SLC8A1: variants seen among roughly 807,000 people sequenced by gnomAD.
SLC8A1 encodes solute carrier family 8 member A1.
Under a neutral mutation model 68.3 loss-of-function variants are expected in SLC8A1, and 18 were observed. The observed-to-expected ratio is 0.26, with a 90% CI of 0.18 to 0.39. The LOEUF is 0.39. SLC8A1 is among the 10% of genes least tolerant of loss of function. The pLI is 1.00. For missense variants in SLC8A1, 985 were observed against 1,156.7 expected, an observed-to-expected ratio of 0.85 and a Z score of 2.15; for synonymous variants, 475 against 415.5, an observed-to-expected ratio of 1.14 and a Z score of -1.74.
intron 2 of SLC8A1, among the ~76,000 whole-genome samples, chr2:40,393,603 A>C (rs1478101762): frequency 1.3e-5 from 2 of 152,104 alleles, no homozygotes; most frequent in Non-Finnish European, 2.9e-5. Context: ...ATTGTTTCCA[A>C]TTCCATATAA....
intron 2 of SLC8A1, among the ~76,000 whole-genome samples, chr2:40,242,740 C>T (rs192033431): frequency 6.6e-6 from 1 of 152,218 alleles, no homozygotes; most frequent in East Asian, 1.9e-4. Flanking sequence ...CAAGAAACAA[C>T]AAGAAACCAA....
At chr2:40,307,144 T>TACACACAC (rs753955915) in intron 2 of SLC8A1, among the ~76,000 whole-genome samples, 84 of 101,202 alleles carry the variant, frequency 8.3e-4, no homozygotes, top group Middle Eastern at 0.01. Context: ...GAAAATGTGA[T>TACACACAC]ATACACACAC....
chr2:40,264,430 G>A (rs995503850), intron 2 of SLC8A1, among the ~76,000 whole-genome samples: 10 of 152,144 alleles, frequency 6.6e-5, no homozygotes, highest in African/African-American at 2.4e-4. Context: ...ATTCACAATA[G>A]CAAAGACTTG....
chr2:40,230,074 T>C (rs1462898777), intron 2 of SLC8A1, among the ~76,000 whole-genome samples: 2 of 152,164 alleles, frequency 1.3e-5, no homozygotes, highest in Non-Finnish European at 2.9e-5. Flanking sequence ...GCTGGCATCA[T>C]CAGAGCTAGG....
intron 2 of SLC8A1, among the ~76,000 whole-genome samples, chr2:40,365,253 C>A (rs1675774282): frequency 6.6e-6 from 1 of 151,976 alleles, no homozygotes; most frequent in Non-Finnish European, 1.5e-5. Flanking sequence ...AGAATTCAGA[C>A]TTTCTACCAT....
At chr2:40,309,750 C>T (rs150079910) in intron 2 of SLC8A1, among the ~76,000 whole-genome samples, 1,843 of 152,148 alleles carry the variant, frequency 0.012, 30 homozygotes, top group African/African-American at 0.042. Context: ...ATGATCCGCC[C>T]GCCTTGGCCT....
chr2:40,472,748 T>G (rs1006841953), intron 1 of SLC8A1, among the ~76,000 whole-genome samples: 5 of 152,190 alleles, frequency 3.3e-5, no homozygotes, highest in African/African-American at 1.2e-4. Context: ...TAAAACTTTC[T>G]GTCCTCATGG....
intron 2 of SLC8A1, among the ~76,000 whole-genome samples, chr2:40,410,221 A>T (rs1456344722): frequency 1.3e-5 from 2 of 152,132 alleles, no homozygotes; most frequent in Non-Finnish European, 2.9e-5. Flanking sequence ...CAATGAAAGG[A>T]TGTAATGAAA....
chr2:40,383,172 G>C (rs188622040), intron 2 of SLC8A1, among the ~76,000 whole-genome samples: 2 of 152,006 alleles, frequency 1.3e-5, no homozygotes, highest in Non-Finnish European at 2.9e-5. Flanking sequence ...TTACAGACAC[G>C]TTGTAGATAA....
Position 40,316,745 on chromosome 2 carries a change from G to T in SLC8A1, c.1808+111728C>A, listed in dbSNP as rs969998092. On this transcript the variant is annotated intron_variant, in intron 2 of 7. Transcript: ENST00000406785. ...TGATTTATATCAGGGCCCTAACGTG[G>T]CTGTCCAAAATACCTCCCTCCCCCA... is the stretch of plus-strand genomic sequence containing the variant. Among the ~76,000 whole-genome samples the T allele has an allele frequency of 2.6e-5, 4 of 151,924 alleles. No homozygotes were observed. In the South Asian group the frequency reaches 8.3e-4, roughly 32 times the overall value.
intron 1 of SLC8A1, among the ~76,000 whole-genome samples, chr2:40,436,190 G>T (rs1340692572): frequency 6.6e-6 from 1 of 151,798 alleles, no homozygotes; most frequent in Non-Finnish European, 1.5e-5. Flanking sequence ...TTTCATTGAG[G>T]TATTCCCAGT....
At chr2:40,164,941 C>G in exon 5 of SLC8A1, 1 of 1,613,978 alleles carries the variant, frequency 6.2e-7, no homozygotes, top group South Asian at 1.1e-5. Context: ...TGCGCCTCTC[C>G]TCTTCCTCTT....
chr2:40,496,069 G>T (rs750454341), intron 1 of SLC8A1, among the ~76,000 whole-genome samples: 2 of 152,062 alleles, frequency 1.3e-5, no homozygotes, highest in Non-Finnish European at 2.9e-5. Flanking sequence ...GTTATGAGGT[G>T]CCCACTCATT....
intron 7 of SLC8A1, among the ~76,000 whole-genome samples, chr2:40,134,508 C>T (rs754798562): frequency 1.8e-4 from 27 of 152,158 alleles, no homozygotes; most frequent in Non-Finnish European, 3.5e-4. Context: ...ACAGTTCCCA[C>T]CATAGCCAAA....
intron 2 of SLC8A1, among the ~76,000 whole-genome samples, chr2:40,287,489 T>C (rs912352304): frequency 3.9e-5 from 6 of 152,022 alleles, no homozygotes; most frequent in Admixed American, 3.3e-4. Flanking sequence ...CCAATAAGAA[T>C]AATATCTGGG....
chr2:40,245,241 T>C (rs1425895342), intron 2 of SLC8A1, among the ~76,000 whole-genome samples: 3 of 152,216 alleles, frequency 2.0e-5, no homozygotes, highest in Admixed American at 1.3e-4. Context: ...TGTACAGGTC[T>C]CTCTCTCCCT....
chr2:40,298,232 G>C (rs1199503988), intron 2 of SLC8A1, among the ~76,000 whole-genome samples: 3 of 152,182 alleles, frequency 2.0e-5, no homozygotes, highest in African/African-American at 2.4e-5. Context: ...AGGCTAATTA[G>C]TGTGGGTGAT....
chr2:40,149,913 T>C (rs1362180718), intron 6 of SLC8A1, among the ~76,000 whole-genome samples: 1 of 152,030 alleles, frequency 6.6e-6, no homozygotes, highest in African/African-American at 2.4e-5. Context: ...GAGTATCTGA[T>C]GGTTAAGGCG....
At chr2:40,199,350 T>G (rs947167908) in intron 2 of SLC8A1, among the ~76,000 whole-genome samples, 15 of 151,710 alleles carry the variant, frequency 9.9e-5, no homozygotes, top group African/African-American at 3.6e-4. Flanking sequence ...GTGGTCTTCC[T>G]GAAGTGGCAC....
Sources: gnomAD v4.1 joint callset for allele counts (sites outside exome capture counted in the v4.1 genomes callset) on GRCh38, gnomAD v4.1.1 for gene constraint, MANE v1.5 for transcripts, NCBI Gene and HGNC (gene_info 2026-07-23, HGNC 2026-07-21) for gene names.